Variants in ERICH1 observed in about 807,000 individuals in gnomAD.
The protein encoded by ERICH1 is glutamate-rich protein 1.
In ERICH1, 56 loss-of-function variants were observed where a neutral mutation model predicts 39.6. The ratio of observed to expected loss-of-function variants is 1.41; its 90% CI spans 1.14 to 1.77. The LOEUF is 1.77. ERICH1 is among the 40% of genes most tolerant of loss of function. ERICH1 has a pLI of 0.00. For synonymous variants in ERICH1, 313 were observed against 223.6 expected (o/e 1.40, Z -3.57); for missense variants, 826 against 575.4 (o/e 1.44, Z -4.45).
intron 3 of ERICH1, among the ~76,000 whole-genome samples, chr8:638,966 G>C (rs1798684446): frequency 6.6e-6 from 1 of 152,060 alleles, no homozygotes; most frequent in Non-Finnish European, 1.5e-5. Context: ...TATCTTTCCA[G>C]GTACATTTCA....
At chr8:710,988 C>T (rs1390448629) in intron 2 of ERICH1, among the ~76,000 whole-genome samples, 1 of 152,194 alleles carries the variant, frequency 6.6e-6, no homozygotes, top group Admixed American at 6.5e-5. Context: ...TTCCCATCTG[C>T]AGTGATGAGA....
chr8:729,250 AC>A (rs1241629140), intron 1 of ERICH1, among the ~76,000 whole-genome samples: 3 of 152,204 alleles, frequency 2.0e-5, no homozygotes, highest in Non-Finnish European at 2.9e-5. Flanking sequence ...GGAGAGGCAC[AC>A]CTGCGTCTTG....
At chr8:652,082 T>G (rs1042533747) in intron 3 of ERICH1, among the ~76,000 whole-genome samples, 1 of 152,148 alleles carries the variant, frequency 6.6e-6, no homozygotes, top group Admixed American at 6.5e-5. Context: ...CATCTCTGCA[T>G]AGGTTTACCA....
At chr8:624,783 G>C (rs1399300612) in intron 3 of ERICH1, among the ~76,000 whole-genome samples, 1 of 152,022 alleles carries the variant, frequency 6.6e-6, no homozygotes, top group African/African-American at 2.4e-5. Context: ...CCGGACTGCA[G>C]TGGCACGATC....
At chr8:649,995 G>A (rs1203425211) in intron 3 of ERICH1, among the ~76,000 whole-genome samples, 1 of 152,218 alleles carries the variant, frequency 6.6e-6, no homozygotes, top group Non-Finnish European at 1.5e-5. Flanking sequence ...CAGAGCCTGA[G>A]CACCCCGGAC....
chr8:730,988 A>C, intron 1 of ERICH1, 152 bp downstream of exon 1: 1 of 875,078 alleles, frequency 1.1e-6, no homozygotes, highest in Non-Finnish European at 1.5e-6. Flanking sequence ...AGAGCGGGGG[A>C]TGGGTAGGGA....
At chr8:686,400 G>A (rs1329783648) in intron 3 of ERICH1, among the ~76,000 whole-genome samples, 3 of 151,914 alleles carry the variant, frequency 2.0e-5, no homozygotes, top group Non-Finnish European at 4.4e-5. Flanking sequence ...AAAATAAATG[G>A]CAATAAGAAC....
At chr8:627,658 C>T (rs1284360686) in intron 3 of ERICH1, among the ~76,000 whole-genome samples, 3 of 152,214 alleles carry the variant, frequency 2.0e-5, no homozygotes, top group Admixed American at 6.5e-5. Context: ...TGCCTCCCTG[C>T]ACCACCTGAA....
intron 3 of ERICH1, among the ~76,000 whole-genome samples, chr8:687,069 CG>C (rs1248683556): frequency 2.7e-4 from 41 of 152,204 alleles, no homozygotes; most frequent in African/African-American, 9.9e-4. Context: ...AGAGCATGTA[CG>C]GATGTTTAAC....
intron 3 of ERICH1, among the ~76,000 whole-genome samples, chr8:632,999 G>A (rs532465649): frequency 1.1e-4 from 16 of 152,346 alleles, no homozygotes; most frequent in African/African-American, 3.4e-4. Context: ...CGCAGGGAGG[G>A]AGGCAGATCG....
At chr8:616,591 G>C (rs1796910593) in intron 3 of ERICH1, 1 of 455,798 alleles carries the variant, frequency 2.2e-6, no homozygotes, top group Non-Finnish European at 4.4e-6. Context: ...GCTGGAGAGA[G>C]ACAGAGAGAG....
intron 2 of ERICH1, among the ~76,000 whole-genome samples, chr8:694,023 T>G (rs1019246767): frequency 1.3e-5 from 2 of 152,244 alleles, no homozygotes; most frequent in Non-Finnish European, 2.9e-5. Context: ...AGTGATGCTC[T>G]TGCACGTGAC....
At chr8:684,139 A>G (rs1806775175) in intron 3 of ERICH1, among the ~76,000 whole-genome samples, 2 of 152,256 alleles carry the variant, frequency 1.3e-5, no homozygotes, top group Admixed American at 1.3e-4. Context: ...TAAAATGGCC[A>G]ACAAAATGAT....
chr8:686,457 A>C (rs1414446303), intron 3 of ERICH1, among the ~76,000 whole-genome samples: 1 of 64,564 alleles, frequency 1.5e-5, no homozygotes, highest in Non-Finnish European at 4.0e-5. Flanking sequence ...CTAAAAAAAA[A>C]AAAAAAAACA....
chr8:681,366 A>T (rs984944240), intron 3 of ERICH1, among the ~76,000 whole-genome samples: 6 of 152,248 alleles, frequency 3.9e-5, no homozygotes, highest in Admixed American at 3.3e-4. Context: ...GTCTTATTTA[A>T]AACACGTGCC....
chr8:702,510 G>T (rs1002464820), intron 2 of ERICH1, among the ~76,000 whole-genome samples: 1 of 152,176 alleles, frequency 6.6e-6, no homozygotes, highest in Non-Finnish European at 1.5e-5. Context: ...ACAGGAGCAG[G>T]CACCTCCCAC....
At chr8:677,221 A>G (rs1158735209) in intron 3 of ERICH1, among the ~76,000 whole-genome samples, 2 of 152,206 alleles carry the variant, frequency 1.3e-5, no homozygotes, top group Non-Finnish European at 2.9e-5. Flanking sequence ...CTGAAAATAC[A>G]GGAAGTATTT....
intron 2 of ERICH1, among the ~76,000 whole-genome samples, chr8:715,243 A>C (rs566081132): frequency 2.2e-4 from 34 of 152,146 alleles, no homozygotes; most frequent in Non-Finnish European, 4.6e-4. Context: ...TGCCGCAGAC[A>C]GGTGGTCTAT....
intron 3 of ERICH1, chr8:626,440 T>G: frequency 6.6e-6 from 1 of 152,354 alleles, no homozygotes; most frequent in Non-Finnish European, 1.5e-5. Context: ...GTGAGTGGGT[T>G]CTTAGGTGAA....
Sources: allele counts gnomAD v4.1 joint callset (sites outside exome capture counted in the v4.1 genomes callset), GRCh38; gene constraint gnomAD v4.1.1; transcripts MANE v1.5; gene names NCBI Gene and HGNC (gene_info 2026-07-23, HGNC 2026-07-21).